Variants in CSMD1 observed in about 807,000 individuals in gnomAD.
CSMD1 encodes the protein CUB and Sushi multiple domains 1, also known as CUB and sushi domain-containing protein 1.
CSMD1 carries 213 observed loss-of-function variants against 417.5 expected under a neutral mutation model. The observed-to-expected ratio is 0.51, with a 90% confidence interval of 0.46 to 0.57. The LOEUF is 0.57. CSMD1 is among the 20% of genes least tolerant of loss of function. CSMD1 has a pLI of 0.00. For synonymous variants in CSMD1, 2,862 were observed against 1,736.8 expected (o/e 1.65, Z -16.11); for missense variants, 6,923 against 4,529.7 (o/e 1.53, Z -15.17).
chr8:3,827,243 T>C (rs990473151), intron 5 of CSMD1, among the ~76,000 whole-genome samples: 2 of 152,186 alleles, frequency 1.3e-5, no homozygotes, highest in African/African-American at 4.8e-5. Context: ...TTTTCATCAA[T>C]AGCTAAAATA....
At chr8:4,897,475 G>C (rs899068132) in intron 1 of CSMD1, among the ~76,000 whole-genome samples, 3 of 151,974 alleles carry the variant, frequency 2.0e-5, no homozygotes, top group Non-Finnish European at 1.5e-5. Flanking sequence ...TTAAGGAGTG[G>C]TTTGGGTTGC....
intron 47 of CSMD1, 76 bp from the exon 48 acceptor site, chr8:3,091,738 A>G (rs1007583456): frequency 5.2e-6 from 7 of 1,349,652 alleles, no homozygotes; most frequent in Admixed American, 2.4e-5. Context: ...TTAGCTTTTG[A>G]TTACACTGGA....
At chr8:4,314,971 C>A (rs1339265508) in intron 3 of CSMD1, among the ~76,000 whole-genome samples, 2 of 152,136 alleles carry the variant, frequency 1.3e-5, no homozygotes, top group African/African-American at 4.8e-5. Flanking sequence ...GAGGAGGTTT[C>A]ACCTTCCCAC....
chr8:3,910,810 G>T (rs980919584), intron 5 of CSMD1, among the ~76,000 whole-genome samples: 1 of 152,116 alleles, frequency 6.6e-6, no homozygotes, highest in South Asian at 2.1e-4. Flanking sequence ...CTTGTTATTG[G>T]AGAGTGCATG....
rs562857721 is a variant in CSMD1 at position 4,925,621 on chromosome 8, A to T, written c.85+68711T>A. 4.7e-5 allele frequency among the ~76,000 whole-genome samples: 7 copies of T among 149,032 alleles called. No individual in the cohort carries two copies. The Admixed American group carries it at 4.7e-4, about 10-fold the overall frequency. On this transcript the variant is annotated intron_variant, in intron 1 of 69. Coordinates refer to ENST00000635120, the MANE Select transcript of CSMD1 (RefSeq NM_033225.6). ...GAGTGCAGTGGTGCAGTCTCGGCTC[A>T]CTGCAAGCTCTGCCTCCCGGGTTCA...
rs1554475387 is a variant in CSMD1, at chr8:3,889,494, A to ATATATATATAT, written c.818+108408_818+108409insATATATATATA. Among the ~76,000 whole-genome samples, 347 of 38,466 alleles carry ATATATATATAT rather than the reference A, an allele frequency of 9.0e-3. 53 individuals carry two copies. Among genetic ancestry groups the ATATATATATAT allele is most frequent in the Non-Finnish European group, 0.011 (222 of 19,514 alleles). 25.2% of individuals were successfully genotyped at this position (38,466 alleles called of 152,430 possible). On this transcript the variant is annotated intron_variant, in intron 5 of 69. Transcript: ENST00000635120. ...ATATATATATATATATATATATATAAAATATGCTCATTAGGTCATGATATA... is the reference window on the plus strand; with the variant it reads ...ATATATATATATATATATATATATAATATATATATATAATATGCTCATTAGGTCATGATATA...
At chr8:3,331,568 A>T (rs1224834935) in intron 23 of CSMD1, among the ~76,000 whole-genome samples, 1 of 152,230 alleles carries the variant, frequency 6.6e-6, no homozygotes, top group Non-Finnish European at 1.5e-5. Context: ...ACTGAAAATA[A>T]CAAAAGGATC....
chr8:3,183,233 C>T (rs529044954), intron 36 of CSMD1: 1 of 127,574 alleles, frequency 7.8e-6, no homozygotes, highest in Non-Finnish European at 1.7e-5. Flanking sequence ...CGTTTCTTAA[C>T]GATACCATCG....
chr8:4,253,928 T>C (rs1004654177), intron 3 of CSMD1, among the ~76,000 whole-genome samples: 12 of 142,350 alleles, frequency 8.4e-5, no homozygotes, highest in Non-Finnish European at 1.8e-4. Flanking sequence ...TTTTTTTTTT[T>C]TTTTTTGAGA....
chr8:4,565,646 A>G (rs1348732069), intron 2 of CSMD1, among the ~76,000 whole-genome samples: 1 of 151,360 alleles, frequency 6.6e-6, no homozygotes, highest in Non-Finnish European at 1.5e-5. Flanking sequence ...GAAGCAGGAG[A>G]ACCGTTTGAA....
intron 57 of CSMD1, among the ~76,000 whole-genome samples, chr8:2,968,378 C>T (rs986343804): frequency 1.3e-5 from 2 of 152,144 alleles, no homozygotes; most frequent in Non-Finnish European, 2.9e-5. Context: ...AATTGTATGT[C>T]TAAATCTTCA....
In CSMD1 at chr8:4,554,057, G is replaced by C. The variant is rs558328562; in HGVS notation, c.302+83285C>G. On this transcript the variant is annotated intron_variant, in intron 2 of 69. Coordinates refer to ENST00000635120, the MANE Select transcript of CSMD1 (RefSeq NM_033225.6). Reference sequence around the variant, plus strand: ...TTCCACATTATATCCCTGCTGTCTCGTCAGTACCAAACTTCAGGTTTTTAA... The same window carrying C: ...TTCCACATTATATCCCTGCTGTCTCCTCAGTACCAAACTTCAGGTTTTTAA... 2.6e-5 allele frequency among the ~76,000 whole-genome samples: 4 copies of C among 152,266 alleles called. No individual in the cohort carries two copies. The South Asian group carries it at 6.2e-4, about 24-fold the overall frequency.
chr8:3,151,355 G>A (rs769264905), intron 40 of CSMD1, 42 bp downstream of exon 40: 1 of 1,287,788 alleles, frequency 7.8e-7, no homozygotes, highest in Non-Finnish European at 1.1e-6. Flanking sequence ...AGATGGAAAT[G>A]AAAAAAATGA....
chr8:3,619,305 G>C (rs910997211), intron 7 of CSMD1, among the ~76,000 whole-genome samples: 1 of 152,048 alleles, frequency 6.6e-6, no homozygotes, highest in East Asian at 1.9e-4. Flanking sequence ...ACGTTCAGAG[G>C]CCCACTAATT....
intron 2 of CSMD1, among the ~76,000 whole-genome samples, chr8:4,509,080 G>T (rs993220332): frequency 2.6e-5 from 4 of 151,790 alleles, no homozygotes; most frequent in South Asian, 2.1e-4. Flanking sequence ...GGAGAGTGAA[G>T]AATAAGGCAG....
At chr8:4,360,828 A>G (rs1001374324) in intron 3 of CSMD1, among the ~76,000 whole-genome samples, 8 of 152,072 alleles carry the variant, frequency 5.3e-5, no homozygotes, top group African/African-American at 1.9e-4. Flanking sequence ...TCCTGACACA[A>G]TTAATCACGG....
chr8:4,598,084 A>G (rs1420771356), intron 2 of CSMD1, among the ~76,000 whole-genome samples: 1 of 152,152 alleles, frequency 6.6e-6, no homozygotes, highest in Non-Finnish European at 1.5e-5. Flanking sequence ...CACAGAAAAT[A>G]AAAAGCTAGA....
chr8:3,116,317 T>C (rs1053410520), intron 42 of CSMD1, among the ~76,000 whole-genome samples: 3 of 152,048 alleles, frequency 2.0e-5, no homozygotes, highest in African/African-American at 7.3e-5. Context: ...AATAGAAATA[T>C]AATAGTAAAA....
At chr8:4,303,480 T>C (rs1385178008) in intron 3 of CSMD1, among the ~76,000 whole-genome samples, 3 of 130,666 alleles carry the variant, frequency 2.3e-5, no homozygotes, top group Non-Finnish European at 3.2e-5. Flanking sequence ...TGAGCTCATG[T>C]TGATTTTCAA....
Sources: gnomAD v4.1 joint callset for allele counts (sites outside exome capture counted in the v4.1 genomes callset) on GRCh38, gnomAD v4.1.1 for gene constraint, MANE v1.5 for transcripts, NCBI Gene and HGNC (gene_info 2026-07-23, HGNC 2026-07-21) for gene names.